The following CSMD1 variants were observed in gnomAD, a reference collection of about 807,000 sequenced individuals.
CSMD1 encodes the protein CUB and sushi domain-containing protein 1.
CSMD1 carries 213 observed loss-of-function variants against 417.5 expected under a neutral mutation model. The ratio of observed to expected loss-of-function variants is 0.51; its 90% CI spans 0.46 to 0.57. The LOEUF (loss-of-function observed/expected upper bound fraction) is 0.57, where lower values mean the gene tolerates loss of function less well. Among genes scored for constraint, CSMD1 ranks in the 20% least tolerant of loss-of-function variants. CSMD1 has a pLI of 0.00. For synonymous variants in CSMD1, 2,862 were observed against 1,736.8 expected, an observed-to-expected ratio of 1.65 and a Z score of -16.11; for missense variants, 6,923 against 4,529.7, an observed-to-expected ratio of 1.53 and a Z score of -15.17.
chr8:4,205,803 G>T (rs193218915), intron 3 of CSMD1, among the ~76,000 whole-genome samples: 1 of 151,878 alleles, frequency 6.6e-6, no homozygotes, highest in Admixed American at 6.6e-5. Flanking sequence ...ATATTTGTGG[G>T]GGTAAAAATG....
rs536352842 is a variant in CSMD1, at chr8:3,685,853, C to G, written c.1009+22561G>C. 2.0e-5 allele frequency among the ~76,000 whole-genome samples: 3 copies of G among 152,130 alleles called. No homozygotes were observed. In the East Asian group the frequency reaches 5.8e-4, roughly 29 times the overall value. ...GGCATGCGACGTAAAATAATCACAT[C>G]ATGGAGAATGGGGTATCCATCCCAT... On this transcript the variant is annotated intron_variant, in intron 7 of 69. Transcript: ENST00000635120.
intron 3 of CSMD1, among the ~76,000 whole-genome samples, chr8:4,251,617 G>T (rs1321493729): frequency 1.3e-5 from 2 of 152,150 alleles, no homozygotes; most frequent in Non-Finnish European, 2.9e-5. Context: ...TTCATGTCTG[G>T]ATATTACACA....
At chr8:4,117,975 A>T (rs1802256743) in intron 3 of CSMD1, among the ~76,000 whole-genome samples, 1 of 152,026 alleles carries the variant, frequency 6.6e-6, no homozygotes, top group Non-Finnish European at 1.5e-5. Context: ...GCAGTGTACA[A>T]AGGACAAGAG....
At chr8:3,725,793 C>A (rs978253330) in intron 6 of CSMD1, among the ~76,000 whole-genome samples, 2 of 152,136 alleles carry the variant, frequency 1.3e-5, no homozygotes, top group Non-Finnish European at 2.9e-5. Flanking sequence ...AACCATTGAT[C>A]TAGGAATCTT....
rs114015655 is a variant in CSMD1 at position 3,638,032 on chromosome 8, C to T, written c.1010-21235G>A. 4.4e-4 allele frequency among the ~76,000 whole-genome samples: 67 copies of T among 152,206 alleles called. 1 individual carries two copies. Among genetic ancestry groups the T allele is most frequent in the African/African-American group, 1.2e-3 (51 of 41,514 alleles). ...TAAACCTATTTTTCATTATAAATTA[C>T]GCAGTCTCAGGTATGTCCTTATAGG... On this transcript the variant is annotated intron_variant, in intron 7 of 69. Transcript: ENST00000635120.
chr8:3,462,281 C>T (rs959500788), intron 12 of CSMD1, among the ~76,000 whole-genome samples: 1 of 152,154 alleles, frequency 6.6e-6, no homozygotes, highest in African/African-American at 2.4e-5. Context: ...CTATACAGTG[C>T]CATCCTAGCT....
intron 3 of CSMD1, among the ~76,000 whole-genome samples, chr8:4,097,985 C>G (rs932594911): frequency 6.6e-6 from 1 of 152,050 alleles, no homozygotes; most frequent in Non-Finnish European, 1.5e-5. Flanking sequence ...ATCTGTGGAT[C>G]AGATGGAAAT....
chr8:3,284,677 C>G (rs1803013107), intron 25 of CSMD1: 2 of 273,030 alleles, frequency 7.3e-6, no homozygotes, highest in African/African-American at 4.4e-5. Context: ...GCACACAAAC[C>G]AAATATAAGC....
intron 2 of CSMD1, among the ~76,000 whole-genome samples, chr8:4,420,661 C>T (rs1453679955): frequency 6.6e-6 from 1 of 152,092 alleles, no homozygotes; most frequent in Non-Finnish European, 1.5e-5. Context: ...CAGTTGGATT[C>T]CAAGCTGTGC....
At chr8:4,190,984 C>G (rs1798992663) in intron 3 of CSMD1, among the ~76,000 whole-genome samples, 2 of 151,980 alleles carry the variant, frequency 1.3e-5, no homozygotes, top group South Asian at 2.1e-4. Context: ...AGGATCAGGA[C>G]AAATGGATAC....
intron 51 of CSMD1, among the ~76,000 whole-genome samples, 191 bp from the exon 52 acceptor site, chr8:3,018,841 C>A (rs1809100379): frequency 6.6e-6 from 1 of 152,192 alleles, no homozygotes; most frequent in Non-Finnish European, 1.5e-5. Flanking sequence ...AATTTTCCAT[C>A]TTTATGCTCC....
chr8:4,071,526 T>C lies in CSMD1; in HGVS notation c.416-39427A>G, dbSNP rs531354082. Among the ~76,000 whole-genome samples, 91 of 152,318 alleles carry C rather than the reference T, an allele frequency of 6.0e-4. 1 individual carries two copies. The South Asian group carries it at 1.0e-2, about 17-fold the overall frequency. ...GCTTCCTTTACTTATTTAAGCATAATTGTAATAACAGCTGCATTAAAATCC... is the reference window on the plus strand; with the variant it reads ...GCTTCCTTTACTTATTTAAGCATAACTGTAATAACAGCTGCATTAAAATCC... On this transcript the variant is annotated intron_variant, in intron 3 of 69. Transcript: ENST00000635120.
chr8:4,239,268 G>A (rs1458793080), intron 3 of CSMD1, among the ~76,000 whole-genome samples: 4 of 152,218 alleles, frequency 2.6e-5, no homozygotes, highest in Non-Finnish European at 5.9e-5. Context: ...GAGGTTGGAT[G>A]TACTCTGTTG....
chr8:4,648,704 C>A (rs901868942), intron 1 of CSMD1, among the ~76,000 whole-genome samples: 21 of 152,162 alleles, frequency 1.4e-4, no homozygotes, highest in African/African-American at 5.1e-4. Flanking sequence ...TACAGTTGTG[C>A]TTTTCCTCAG....
At chr8:4,094,886 G>A (rs1462348206) in intron 3 of CSMD1, among the ~76,000 whole-genome samples, 1 of 152,200 alleles carries the variant, frequency 6.6e-6, no homozygotes, top group Non-Finnish European at 1.5e-5. Context: ...TATGTTAAAA[G>A]ACAGATTGAA....
At chr8:3,405,114 C>T (rs1416589384) in intron 15 of CSMD1, among the ~76,000 whole-genome samples, 2 of 152,134 alleles carry the variant, frequency 1.3e-5, no homozygotes, top group African/African-American at 4.8e-5. Context: ...TTCTACATAA[C>T]CTTTTCAATA....
At chr8:4,103,751 G>T (rs1030118815) in intron 3 of CSMD1, among the ~76,000 whole-genome samples, 1 of 152,116 alleles carries the variant, frequency 6.6e-6, no homozygotes. Context: ...AGGAAAAGCT[G>T]AAACTTCTTA....
rs551206534 is a variant in CSMD1, at chr8:4,031,640, T to C, written c.610+265A>G. Reference sequence around the variant, plus strand: ...TGTGGTCCAAGCATGACTTTTCTCGTATAACATGTAATATTATATATTATT... The same window carrying C: ...TGTGGTCCAAGCATGACTTTTCTCGCATAACATGTAATATTATATATTATT... On this transcript the variant is annotated intron_variant, in intron 4 of 69. Coordinates refer to ENST00000635120, the MANE Select transcript of CSMD1 (RefSeq NM_033225.6). 2.9e-4 allele frequency among the ~76,000 whole-genome samples: 32 copies of C among 110,366 alleles called. No homozygotes were observed. The East Asian group carries it at 8.2e-3, about 28-fold the overall frequency. 72.4% of individuals were successfully genotyped at this position (110,366 alleles called of 152,430 possible).
rs545753382 is a variant in CSMD1, at chr8:3,480,041, A to C, written c.1449-11217T>G. Among the ~76,000 whole-genome samples, 6 of 152,274 alleles carry C rather than the reference A, an allele frequency of 3.9e-5. No homozygotes were observed. In the East Asian group the frequency reaches 1.2e-3, roughly 29 times the overall value. ...AGATCAATGGAATTCTCCTACACTA[A>C]ACAACAGAGACAAAACAGACTACAA... On this transcript the variant is annotated intron_variant, in intron 11 of 69. Coordinates refer to ENST00000635120, the MANE Select transcript of CSMD1 (RefSeq NM_033225.6).
Sources: gnomAD v4.1 joint callset for allele counts (sites outside exome capture counted in the v4.1 genomes callset) on GRCh38, gnomAD v4.1.1 for gene constraint, MANE v1.5 for transcripts, NCBI Gene and HGNC (gene_info 2026-07-23, HGNC 2026-07-21) for gene names.